The following CAMKMT variants were observed in gnomAD, a reference collection of about 807,000 sequenced individuals.
The protein encoded by CAMKMT is CaM KMT.
CAMKMT carries 53 observed loss-of-function variants against 48.0 expected under a neutral mutation model. The ratio of observed to expected loss-of-function variants is 1.10; its 90% CI spans 0.89 to 1.39. The LOEUF is 1.39. Among genes scored for constraint, CAMKMT ranks in the 40% most tolerant of loss-of-function variants. The pLI, the probability that CAMKMT is intolerant of heterozygous loss-of-function variation, is 0.00. For missense variants in CAMKMT, 428 were observed against 402.7 expected, an observed-to-expected ratio of 1.06 and a Z score of -0.54; for synonymous variants, 165 against 152.3, an observed-to-expected ratio of 1.08 and a Z score of -0.61.
chr2:44,731,500 T>A (rs1222900614), intron 7 of CAMKMT, among the ~76,000 whole-genome samples: 1 of 152,184 alleles, frequency 6.6e-6, no homozygotes, highest in Non-Finnish European at 1.5e-5. Context: ...GAAATACAAA[T>A]TAGGGTGAAC....
intron 3 of CAMKMT, among the ~76,000 whole-genome samples, chr2:44,674,917 C>T (rs573671991): frequency 1.3e-5 from 2 of 152,160 alleles, no homozygotes; most frequent in Non-Finnish European, 2.9e-5. Flanking sequence ...TCAATCTTCT[C>T]CTCCTGTCTC....
At chr2:44,530,385 G>A (rs923907887) in intron 3 of CAMKMT, among the ~76,000 whole-genome samples, 6 of 152,158 alleles carry the variant, frequency 3.9e-5, no homozygotes, top group Non-Finnish European at 8.8e-5. Context: ...GTTGACAAAT[G>A]TGTTAATCTA....
intron 3 of CAMKMT, among the ~76,000 whole-genome samples, chr2:44,595,111 C>G (rs1277699841): frequency 2.6e-5 from 4 of 152,190 alleles, no homozygotes; most frequent in African/African-American, 7.2e-5. Context: ...GATACCATCT[C>G]ATGCCAGTTA....
intron 3 of CAMKMT, among the ~76,000 whole-genome samples, chr2:44,685,256 T>C (rs955263353): frequency 7.2e-5 from 11 of 151,932 alleles, no homozygotes; most frequent in Admixed American, 5.9e-4. Flanking sequence ...TTCTCTCAAA[T>C]AGAAAAAGTG....
At chr2:44,513,278 AAAG>A (rs2104775239) in intron 3 of CAMKMT, among the ~76,000 whole-genome samples, 1 of 128,338 alleles carries the variant, frequency 7.8e-6, no homozygotes, top group Non-Finnish European at 1.6e-5. Context: ...GACAAGGGCC[AAAG>A]GAGAGGGGGA....
intron 3 of CAMKMT, among the ~76,000 whole-genome samples, chr2:44,478,596 A>G (rs74334487): frequency 0.018 from 2,708 of 152,270 alleles, 84 homozygotes; most frequent in African/African-American, 0.062. Flanking sequence ...TAATAAAGGC[A>G]TTAGTTATTT....
chr2:44,397,121 G>T (rs1681928664), intron 3 of CAMKMT, among the ~76,000 whole-genome samples: 1 of 151,614 alleles, frequency 6.6e-6, no homozygotes. Context: ...TTTTCTTGAA[G>T]GAGCTCACAG....
At chr2:44,649,226 A>C (rs1193888378) in intron 3 of CAMKMT, among the ~76,000 whole-genome samples, 1 of 152,100 alleles carries the variant, frequency 6.6e-6, no homozygotes, top group South Asian at 2.1e-4. Flanking sequence ...GTTTCCTTTC[A>C]GTTTTCCTGC....
intron 3 of CAMKMT, among the ~76,000 whole-genome samples, chr2:44,535,000 C>A: frequency 6.6e-6 from 1 of 150,432 alleles, no homozygotes; most frequent in Admixed American, 6.6e-5. Context: ...TTGCTATAAC[C>A]AAAGGGGAGA....
intron 3 of CAMKMT, among the ~76,000 whole-genome samples, chr2:44,679,778 G>T (rs1469301055): frequency 6.6e-6 from 1 of 152,188 alleles, no homozygotes; most frequent in Non-Finnish European, 1.5e-5. Context: ...ATGCACAGTT[G>T]GTTCATGGCA....
intron 3 of CAMKMT, among the ~76,000 whole-genome samples, chr2:44,635,725 G>C (rs549257030): frequency 1.3e-5 from 2 of 152,310 alleles, no homozygotes; most frequent in South Asian, 4.1e-4. Flanking sequence ...ATTCCTTCCA[G>C]TTCCAGGGTT....
chr2:44,560,342 C>G (rs1572800935), intron 3 of CAMKMT, among the ~76,000 whole-genome samples: 1 of 152,206 alleles, frequency 6.6e-6, no homozygotes, highest in East Asian at 1.9e-4. Context: ...AGTGCAGTGG[C>G]ATGATCATAG....
chr2:44,363,274 C>A (rs2104321173), intron 1 of CAMKMT, among the ~76,000 whole-genome samples: 1 of 152,262 alleles, frequency 6.6e-6, no homozygotes, highest in South Asian at 2.1e-4. Flanking sequence ...CACAGATCAT[C>A]ATAGGAAGTA....
At position 44,468,634 on chromosome 2, in the gene CAMKMT, T is replaced by C. The variant is rs530083971; in HGVS notation, c.376+78329T>C. Among the ~76,000 whole-genome samples, 7 of 152,188 alleles carry C rather than the reference T, an allele frequency of 4.6e-5. No homozygotes were observed. In the East Asian group the frequency reaches 1.3e-3, roughly 29 times the overall value. On this transcript the variant is annotated intron_variant, in intron 3 of 10. Coordinates refer to ENST00000378494, the MANE Select transcript of CAMKMT (RefSeq NM_024766.5). Reference sequence around the variant, plus strand: ...TAGAGATGGATAGATAAAGAAAATATAAGGCCAGGTGTGGTGGCTTATGCC... The same window carrying C: ...TAGAGATGGATAGATAAAGAAAATACAAGGCCAGGTGTGGTGGCTTATGCC...
At chr2:44,363,307 A>T (rs558522790) in intron 1 of CAMKMT, among the ~76,000 whole-genome samples, 1 of 152,154 alleles carries the variant, frequency 6.6e-6, no homozygotes, top group Non-Finnish European at 1.5e-5. Flanking sequence ...TAAATATCTA[A>T]TTTTTTTTAA....
intron 3 of CAMKMT, among the ~76,000 whole-genome samples, chr2:44,469,209 A>G (rs532679783): frequency 3.9e-5 from 6 of 152,318 alleles, no homozygotes; most frequent in African/African-American, 1.4e-4. Context: ...CATTGTACAT[A>G]TATATCAAAG....
In CAMKMT at chr2:44,383,724, A is replaced by G. The variant is rs563051796; in HGVS notation, c.312-6517A>G. ...AGCTCCCACATATCAGTGAGAATATATGATGTTTGATTTTCCATTCCCGAG... is the reference window on the plus strand; with the variant it reads ...AGCTCCCACATATCAGTGAGAATATGTGATGTTTGATTTTCCATTCCCGAG... On this transcript the variant is annotated intron_variant, in intron 2 of 10. Coordinates refer to ENST00000378494, the MANE Select transcript of CAMKMT (RefSeq NM_024766.5). 2.6e-5 allele frequency among the ~76,000 whole-genome samples: 4 copies of G among 152,252 alleles called. No individual in the cohort carries two copies. The South Asian group carries it at 6.2e-4, about 24-fold the overall frequency.
intron 5 of CAMKMT, among the ~76,000 whole-genome samples, chr2:44,706,920 A>G (rs1677595968): frequency 6.6e-6 from 1 of 152,126 alleles, no homozygotes; most frequent in Non-Finnish European, 1.5e-5. Flanking sequence ...GGCATTTGAC[A>G]AACCTGTCGC....
chr2:44,686,644 G>A lies in CAMKMT; in HGVS notation c.377-17639G>A, dbSNP rs536014422. Among the ~76,000 whole-genome samples the A allele has an allele frequency of 4.6e-5, 7 of 152,232 alleles. No individual in the cohort carries two copies. In the South Asian group the frequency reaches 6.2e-4, roughly 14 times the overall value. On this transcript the variant is annotated intron_variant, in intron 3 of 10. Transcript: ENST00000378494. ...TGTATATGGGCTTTGCCATGAACAC[G>A]TTTGAATAAGAAAGCCCTCAGTGCT... is the stretch of plus-strand genomic sequence containing the variant.
Sources: gnomAD v4.1 joint callset for allele counts (sites outside exome capture counted in the v4.1 genomes callset) on GRCh38, gnomAD v4.1.1 for gene constraint, MANE v1.5 for transcripts, NCBI Gene and HGNC (gene_info 2026-07-23, HGNC 2026-07-21) for gene names.